The following PTPRN2 variants were observed in gnomAD, a reference collection of about 807,000 sequenced individuals.
The protein encoded by PTPRN2 is protein tyrosine phosphatase receptor type N2.
A neutral mutation model predicts 118.8 loss-of-function variants in PTPRN2; 74 were observed. That is an observed-to-expected ratio of 0.62 (90% confidence interval 0.52 to 0.76). The LOEUF (loss-of-function observed/expected upper bound fraction) is 0.76, where lower values mean the gene tolerates loss of function less well. Ranked by LOEUF, PTPRN2 falls within the 30% of genes least tolerant of loss-of-function variation. PTPRN2 has a pLI of 0.00. For synonymous variants in PTPRN2, 641 were observed against 608.0 expected (o/e 1.05, Z -0.80); for missense variants, 1,481 against 1,394.4 (o/e 1.06, Z -0.99).
intron 9 of PTPRN2, among the ~76,000 whole-genome samples, chr7:158,117,619 A>T (rs1816831241): frequency 6.6e-6 from 1 of 152,214 alleles, no homozygotes. Context: ...ATTTTAACTA[A>T]ATTGTTAAAA....
intron 3 of PTPRN2, among the ~76,000 whole-genome samples, chr7:158,211,586 A>G (rs751493862): frequency 6.6e-6 from 1 of 152,248 alleles, no homozygotes; most frequent in Non-Finnish European, 1.5e-5. Context: ...CAAAAAAGAC[A>G]TTCAGACGGC....
At chr7:158,002,533 C>T (rs549557173) in intron 11 of PTPRN2, among the ~76,000 whole-genome samples, 2 of 152,232 alleles carry the variant, frequency 1.3e-5, no homozygotes, top group Admixed American at 1.3e-4. Context: ...AACAACGGGG[C>T]CAAATGCCGC....
At chr7:158,206,923 G>A (rs2150751419) in intron 3 of PTPRN2, among the ~76,000 whole-genome samples, 1 of 145,830 alleles carries the variant, frequency 6.9e-6, no homozygotes, top group Non-Finnish European at 1.5e-5. Context: ...TCGTCATCTA[G>A]CATTAGGTAT....
intron 12 of PTPRN2, among the ~76,000 whole-genome samples, chr7:157,759,286 C>A (rs995552715): frequency 6.6e-6 from 1 of 152,204 alleles, no homozygotes; most frequent in Admixed American, 6.5e-5. Flanking sequence ...GTCCACCATG[C>A]GCCAAGGGAG....
chr7:157,587,630 T>C lies in PTPRN2; in HGVS notation c.2496+7608A>G, dbSNP rs181206022. 7.2e-4 allele frequency among the ~76,000 whole-genome samples: 109 copies of C among 152,360 alleles called. 1 individual carries two copies. The highest frequency in any genetic ancestry group is 6.4e-3 in the Admixed American group (98 of 15,310). On this transcript the variant is annotated intron_variant, in intron 17 of 22. Transcript: ENST00000389418. This position sits in a 1 kb window ranked among gnomAD's most constrained non-coding sequence, Gnocchi z 5.3. Reference sequence around the variant, plus strand: ...CACCTTTTTCTTGGTAAAATGTTGATGTGCAATAAGAGTCAACACACATCC... The same window carrying C: ...CACCTTTTTCTTGGTAAAATGTTGACGTGCAATAAGAGTCAACACACATCC...
chr7:157,904,567 C>T (rs976324852), intron 11 of PTPRN2, among the ~76,000 whole-genome samples: 1 of 152,256 alleles, frequency 6.6e-6, no homozygotes, highest in Non-Finnish European at 1.5e-5. Flanking sequence ...CAGAGTCCAG[C>T]TTCTTGCCAG....
intron 2 of PTPRN2, among the ~76,000 whole-genome samples, chr7:158,350,447 C>T (rs4909194): frequency 2.6e-5 from 4 of 152,236 alleles, no homozygotes; most frequent in South Asian, 4.1e-4. Flanking sequence ...ATGCTGACTG[C>T]GGGCCTGCTT....
chr7:158,387,492 G>A (rs536051329), intron 2 of PTPRN2, among the ~76,000 whole-genome samples: 1 of 152,406 alleles, frequency 6.6e-6, no homozygotes, highest in East Asian at 1.9e-4. Context: ...TACAAGTGGA[G>A]TGCGATCGGG....
At chr7:158,236,724 G>A (rs1585930816) in intron 3 of PTPRN2, among the ~76,000 whole-genome samples, 1 of 152,174 alleles carries the variant, frequency 6.6e-6, no homozygotes, top group Non-Finnish European at 1.5e-5. Flanking sequence ...CCAGTTACCT[G>A]GTGGAACCCG....
intron 2 of PTPRN2, among the ~76,000 whole-genome samples, chr7:158,323,621 G>A (rs180751123): frequency 1.3e-5 from 2 of 152,228 alleles, no homozygotes; most frequent in African/African-American, 4.8e-5. Context: ...TTGGATTTTT[G>A]GAGAAATAAG....
intron 11 of PTPRN2, among the ~76,000 whole-genome samples, chr7:157,981,570 G>C (rs1202850735): frequency 6.7e-6 from 1 of 149,478 alleles, no homozygotes; most frequent in African/African-American, 2.5e-5. Context: ...TAATTTAACA[G>C]GGAGTGATTC....
intron 12 of PTPRN2, among the ~76,000 whole-genome samples, chr7:157,894,218 G>A (rs1371666285): frequency 1.3e-5 from 2 of 152,230 alleles, no homozygotes; most frequent in African/African-American, 4.8e-5. Flanking sequence ...CGAGAGCACA[G>A]GAAGAAAGTG....
chr7:158,146,756 G>C (rs930571175), intron 6 of PTPRN2, among the ~76,000 whole-genome samples: 14 of 150,514 alleles, frequency 9.3e-5, no homozygotes, highest in Non-Finnish European at 1.5e-4. Flanking sequence ...AGAAACAATA[G>C]AAAATTAAAA....
At chr7:157,636,676 C>A (rs1804338317) in intron 14 of PTPRN2, among the ~76,000 whole-genome samples, 1 of 152,188 alleles carries the variant, frequency 6.6e-6, no homozygotes. Context: ...CTTCTTTATA[C>A]CAGGATCTGC....
chr7:158,458,566 C>T (rs1013262877), intron 2 of PTPRN2, among the ~76,000 whole-genome samples: 13 of 152,150 alleles, frequency 8.5e-5, no homozygotes, highest in African/African-American at 2.4e-4. Flanking sequence ...CCCACGAAGT[C>T]GACCGCCGGA....
intron 12 of PTPRN2, among the ~76,000 whole-genome samples, chr7:157,747,092 A>C (rs1169037011): frequency 7.2e-6 from 1 of 139,262 alleles, no homozygotes; most frequent in Admixed American, 7.0e-5. Flanking sequence ...TGCATCTCTG[A>C]GCTGTGGGCT....
chr7:158,170,399 T>C (rs1438489712), intron 5 of PTPRN2, among the ~76,000 whole-genome samples: 1 of 152,208 alleles, frequency 6.6e-6, no homozygotes, highest in East Asian at 1.9e-4. Flanking sequence ...AAAGGGCCTT[T>C]AATTAAAGTT....
Position 157,704,228 on chromosome 7 carries a change from G to A in PTPRN2, c.1789-21291C>T, listed in dbSNP as rs1798216370. On this transcript the variant is annotated intron_variant, in intron 12 of 22. Transcript: ENST00000389418. ...CTCTCCCTGAAAATGGGAATAAAAT[G>A]TACTTGACTCATGGGCTTAATGAAC... is the stretch of plus-strand genomic sequence containing the variant. Among the ~76,000 whole-genome samples the A allele has an allele frequency of 2.0e-5, 3 of 152,200 alleles. No homozygotes were observed. In the South Asian group the frequency reaches 6.2e-4, roughly 32 times the overall value.
chr7:158,174,197 T>C (rs1241087859), intron 5 of PTPRN2, among the ~76,000 whole-genome samples: 3 of 152,214 alleles, frequency 2.0e-5, no homozygotes, highest in Admixed American at 1.3e-4. Context: ...TAAATGTCCA[T>C]GAAGTCTTCA....
Sources: gnomAD v4.1 joint callset for allele counts (sites outside exome capture counted in the v4.1 genomes callset) on GRCh38, gnomAD v4.1.1 for gene constraint, Gnocchi (gnomAD v3.1) non-coding constraint, MANE v1.5 for transcripts, NCBI Gene and HGNC (gene_info 2026-07-23, HGNC 2026-07-21) for gene names.